The following PCDHGA1 variants were observed in gnomAD, a reference collection of about 807,000 sequenced individuals.
PCDHGA1 encodes protocadherin gamma-A1.
In PCDHGA1, 32 loss-of-function variants were observed where a neutral mutation model predicts 58.0. That is an observed-to-expected ratio of 0.55 (90% CI 0.42 to 0.74). PCDHGA1 has a LOEUF of 0.74. Among genes scored for constraint, PCDHGA1 ranks in the 30% least tolerant of loss-of-function variants. PCDHGA1 has a pLI of 0.00. For missense variants in PCDHGA1, 1,205 were observed against 1,182.3 expected, an observed-to-expected ratio of 1.02 and a Z score of -0.28; for synonymous variants, 498 against 501.1, an observed-to-expected ratio of 0.99 and a Z score of 0.08.
Position 141,331,532 on chromosome 5 carries a change from A to G in PCDHGA1, c.848A>G (p.Asn283Ser). Residue 283 changes from asparagine to serine, a missense_variant, in exon 1 of 4, where the codon AAT (asparagine) becomes AGT (serine). Transcript: ENST00000517417. ...GGGGAAGTAACGTACTCCTTTCACA[A>G]TGTAGACCACAGAGTGGCCCAAATA... ...ANGEVTYSFH[N>S]VDHRVAQIFR... 6.2e-7 allele frequency: 1 copy of G among 1,614,196 alleles called. No individual in the cohort carries two copies. Among genetic ancestry groups the G allele is most frequent in the Non-Finnish European group, 8.5e-7 (1 of 1,180,046 alleles).
chr5:141,407,958 A>G lies in PCDHGA1; in HGVS notation c.2421+74853A>G, dbSNP rs1018466165. On this transcript the variant is annotated intron_variant, in intron 1 of 3. Transcript: ENST00000517417. ...TGGGCGCCGCTGTCGGCCAGTGCAG[A>G]GCAAGCGCTGACGCCGGGGATCCGT... 5 of 660,632 alleles carry G rather than the reference A, an allele frequency of 7.6e-6. No homozygotes were observed. In the South Asian group the frequency reaches 1.2e-4, roughly 15 times the overall value. 40.9% of individuals were successfully genotyped at this position (660,632 alleles called of 1,614,324 possible).
intron 1 of PCDHGA1, chr5:141,366,176 C>G (rs1764373617): frequency 1.2e-6 from 2 of 1,613,926 alleles, no homozygotes; most frequent in Admixed American, 3.3e-5. Flanking sequence ...CGAGCCAGGA[C>G]TCTTTGCGGT....
At chr5:141,340,881 C>T (rs981458172) in intron 1 of PCDHGA1, 3 of 1,613,664 alleles carry the variant, frequency 1.9e-6, no homozygotes, top group East Asian at 2.2e-5. Context: ...GACAGAGACG[C>T]GCTCAAGCAG....
chr5:141,464,306 A>G (rs1438401635), intron 1 of PCDHGA1, among the ~76,000 whole-genome samples: 3 of 150,952 alleles, frequency 2.0e-5, no homozygotes. Context: ...TTGTATGTGC[A>G]CATATCATTA....
In PCDHGA1 at chr5:141,399,794, C is replaced by A. The variant is rs2093888579; in HGVS notation, c.2421+66689C>A. ...GTGGGCGACCGAAACGACAACGCAC[C>A]GCGGGTGCTGTACCCCGCGCTGGGT... is the stretch of plus-strand genomic sequence containing the variant. On this transcript the variant is annotated intron_variant, in intron 1 of 3. Transcript: ENST00000517417. 1.9e-6 allele frequency: 3 copies of A among 1,613,268 alleles called. No homozygotes were observed. The highest frequency in any genetic ancestry group is 1.1e-5 in the South Asian group (1 of 91,052).
intron 1 of PCDHGA1, chr5:141,404,146 A>G: frequency 1.2e-6 from 2 of 1,613,058 alleles, no homozygotes; most frequent in Non-Finnish European, 1.7e-6. Context: ...AAAATTCAGA[A>G]GAAGATTATT....
intron 1 of PCDHGA1, among the ~76,000 whole-genome samples, chr5:141,463,861 A>G (rs1308802167): frequency 1.3e-5 from 2 of 152,340 alleles, no homozygotes; most frequent in East Asian, 1.9e-4. Context: ...ATCTGGTTTC[A>G]CATGACTGAA....
At chr5:141,506,636 C>T (rs1421676205) in intron 3 of PCDHGA1, among the ~76,000 whole-genome samples, 2 of 152,020 alleles carry the variant, frequency 1.3e-5, no homozygotes, top group South Asian at 2.1e-4. Context: ...AATGCAAGTC[C>T]CTCAGCACAG....
chr5:141,335,171 C>G (rs1446572586), intron 1 of PCDHGA1, among the ~76,000 whole-genome samples: 1 of 152,134 alleles, frequency 6.6e-6, no homozygotes, highest in Non-Finnish European at 1.5e-5. Context: ...ACTAAGTTAT[C>G]TCACTTCTGG....
chr5:141,389,424 G>A lies in PCDHGA1; in HGVS notation c.2421+56319G>A, dbSNP rs746873845. 51 of 1,613,390 alleles carry A rather than the reference G, an allele frequency of 3.2e-5. No homozygotes were observed. Among genetic ancestry groups the A allele is most frequent in the East Asian group, 8.9e-5 (4 of 44,896 alleles). The stretch of plus-strand genomic sequence containing the variant: ...AAGCGCGGAGAGCGGGGTGGTGTTC[G>A]CGCAGCGCGCCTTCGACCACGAGCA... On this transcript the variant is annotated intron_variant, in intron 1 of 3. Transcript: ENST00000517417.
At chr5:141,361,786 T>A in intron 1 of PCDHGA1, 1 of 1,613,238 alleles carries the variant, frequency 6.2e-7, no homozygotes, top group Non-Finnish European at 8.5e-7. Context: ...CCTGCGCGTG[T>A]TAGTGGGCGA....
intron 1 of PCDHGA1, chr5:141,360,177 G>T (rs1278032016): frequency 1.9e-6 from 3 of 1,609,920 alleles, no homozygotes; most frequent in African/African-American, 2.7e-5. Context: ...TGCGGTGGCT[G>T]CAGGTACTGT....
At chr5:141,483,648 T>TTGTGTGTGTGTGTG (rs111458813) in intron 1 of PCDHGA1, among the ~76,000 whole-genome samples, 2 of 149,592 alleles carry the variant, frequency 1.3e-5, no homozygotes, top group Non-Finnish European at 3.0e-5. Context: ...GGGTGTGTGT[T>TTGTGTGTGTGTGTG]TGTGTGTGTG....
chr5:141,401,320 C>A (rs1420214369), intron 1 of PCDHGA1, among the ~76,000 whole-genome samples: 1 of 151,626 alleles, frequency 6.6e-6, no homozygotes, highest in East Asian at 1.9e-4. Flanking sequence ...CCAGCCTGGG[C>A]AACAAGAGCA....
In PCDHGA1 at chr5:141,361,205, C is replaced by T. The variant is rs754494569; in HGVS notation, c.2421+28100C>T. On this transcript the variant is annotated intron_variant, in intron 1 of 3. Transcript: ENST00000517417. Reference sequence around the variant, plus strand: ...GTGACTTCAGTATCTACTCCCCTACCGGAGGATTCGCCACCAGGAACAGTG... The same window carrying T: ...GTGACTTCAGTATCTACTCCCCTACTGGAGGATTCGCCACCAGGAACAGTG... 3.7e-6 allele frequency: 6 copies of T among 1,613,776 alleles called. No homozygotes were observed. In the Admixed American group the frequency reaches 8.3e-5, roughly 22 times the overall value.
At chr5:141,462,206 T>A (rs574863016) in intron 1 of PCDHGA1, among the ~76,000 whole-genome samples, 7 of 152,066 alleles carry the variant, frequency 4.6e-5, no homozygotes, top group African/African-American at 1.7e-4. Flanking sequence ...GTGATCCGCC[T>A]GCCTCGGCCT....
chr5:141,356,170 G>T (rs528806463), intron 1 of PCDHGA1: 1 of 1,612,922 alleles, frequency 6.2e-7, no homozygotes, highest in Non-Finnish European at 8.5e-7. Flanking sequence ...AGCCCATGAT[G>T]GGCCTGGTCT....
chr5:141,364,635 G>T, intron 1 of PCDHGA1: 1 of 1,614,158 alleles, frequency 6.2e-7, no homozygotes, highest in South Asian at 1.1e-5. Context: ...AGCCCACTGT[G>T]TGTGGTGAAC....
Position 141,491,482 on chromosome 5 carries a change from A to G in PCDHGA1, c.2422-3325A>G. On this transcript the variant is annotated intron_variant, in intron 1 of 3. Coordinates refer to ENST00000517417, the MANE Select transcript of PCDHGA1 (RefSeq NM_018912.3). The surrounding 1 kb of genome is among the most constrained non-coding windows in gnomAD (Gnocchi z 6.9). Reference sequence around the variant, plus strand: ...GGACTTCTATAAGCAGTCCAGCCCCAACCTGCAGGTGAGCTCGGACGGCAC... The same window carrying G: ...GGACTTCTATAAGCAGTCCAGCCCCGACCTGCAGGTGAGCTCGGACGGCAC... 1 of 1,614,088 alleles carries G rather than the reference A, an allele frequency of 6.2e-7. No individual in the cohort carries two copies. The highest frequency in any genetic ancestry group is 8.5e-7 in the Non-Finnish European group (1 of 1,180,006).
Sources: gnomAD v4.1 joint callset for allele counts (sites outside exome capture counted in the v4.1 genomes callset) on GRCh38, gnomAD v4.1.1 for gene constraint, Gnocchi (gnomAD v3.1) non-coding constraint, MANE v1.5 for transcripts, NCBI Gene and HGNC (gene_info 2026-07-23, HGNC 2026-07-21) for gene names.